The following ANKRD11 variants were observed in gnomAD, a reference collection of about 807,000 sequenced individuals.
The protein encoded by ANKRD11 is ankyrin repeat domain 11, also known as ankyrin repeat domain-containing protein 11.
Under a neutral mutation model 195.7 loss-of-function variants are expected in ANKRD11, and 17 were observed. The ratio of observed to expected loss-of-function variants is 0.09; its 90% CI spans 0.06 to 0.13. ANKRD11 has a LOEUF of 0.13. Among genes scored for constraint, ANKRD11 ranks in the 10% least tolerant of loss-of-function variants. The probability of loss-of-function intolerance (pLI) is 1.00; values close to 1 mark genes in which losing one functional copy is unlikely to be tolerated. For missense variants in ANKRD11, 3,735 were observed against 3,566.1 expected (o/e 1.05, Z -1.21); for synonymous variants, 1,953 against 1,528.1 (o/e 1.28, Z -6.49).
chr16:89,478,864 T>C (rs2057346071), intron 1 of ANKRD11, among the ~76,000 whole-genome samples: 2 of 152,262 alleles, frequency 1.3e-5, no homozygotes, highest in African/African-American at 4.8e-5. Flanking sequence ...GATGAGGTAA[T>C]CTGGAGGTTA....
intron 2 of ANKRD11, among the ~76,000 whole-genome samples, chr16:89,361,198 G>A (rs1377976637): frequency 3.3e-5 from 5 of 152,132 alleles, no homozygotes; most frequent in Admixed American, 6.5e-5. Flanking sequence ...CCACCTCTGC[G>A]CACCCCTTAG....
At chr16:89,445,323 A>G (rs2043736534) in intron 1 of ANKRD11, among the ~76,000 whole-genome samples, 1 of 152,204 alleles carries the variant, frequency 6.6e-6, no homozygotes, top group Non-Finnish European at 1.5e-5. Context: ...ACCACTGCTC[A>G]GCCGTTTCGA....
chr16:89,375,596 G>A (rs1396585647), intron 2 of ANKRD11, among the ~76,000 whole-genome samples: 5 of 151,864 alleles, frequency 3.3e-5, no homozygotes, highest in African/African-American at 9.7e-5. Context: ...AGTGATTACA[G>A]GCGCCCGCCA....
intron 1 of ANKRD11, among the ~76,000 whole-genome samples, chr16:89,487,473 A>T (rs978769983): frequency 6.6e-6 from 1 of 152,198 alleles, no homozygotes; most frequent in African/African-American, 2.4e-5. Flanking sequence ...TGTCAAATCT[A>T]CTTAAAAAGG....
chr16:89,281,635 T>C lies in ANKRD11; in HGVS notation c.4907A>G (p.Asp1636Gly). The change falls in exon 9 of 13, where the codon GAC becomes GGC. Residue 1636 changes from aspartate (D) to glycine (G), a missense_variant. Physicochemically the swap from Asp to Gly is moderately conservative, Grantham distance 94. Coordinates refer to ENST00000301030, the MANE Select transcript of ANKRD11 (RefSeq NM_013275.6). This position sits in a 1 kb window ranked among gnomAD's most constrained non-coding sequence, Gnocchi z 5.5. ...CCCCGGCGGTTTCTTAGCAGGAATG[T>C]CCAGACCCTTCTTCCGCCCGTCGTC... ...PADDGRKKGL[D>G]IPAKKPPGLD... 6.2e-7 allele frequency: 1 copy of C among 1,614,190 alleles called. No homozygotes were observed. The highest frequency in any genetic ancestry group is 8.5e-7 in the Non-Finnish European group (1 of 1,180,026).
At chr16:89,401,370 C>A (rs2041680192) in intron 2 of ANKRD11, among the ~76,000 whole-genome samples, 1 of 152,170 alleles carries the variant, frequency 6.6e-6, no homozygotes, top group African/African-American at 2.4e-5. Context: ...GCCACTGCGT[C>A]TGGCATTAAA....
chr16:89,323,912 C>T (rs1298222168), intron 2 of ANKRD11: 2 of 218,512 alleles, frequency 9.2e-6, no homozygotes, highest in Admixed American at 5.5e-5. Flanking sequence ...AGGCACCACA[C>T]ATCGCGAGGT....
Position 89,344,414 on chromosome 16 carries a change from C to T in ANKRD11, c.-59-27336G>A, listed in dbSNP as rs552366823. ...AGGCAGGACCAGCAACTCCAGACCC[C>T]GTCAGGGCCAACACGGGCCACTGCT... On this transcript the variant is annotated intron_variant, in intron 2 of 12. Transcript: ENST00000301030. Among the ~76,000 whole-genome samples, 7 of 152,298 alleles carry T rather than the reference C, an allele frequency of 4.6e-5. No homozygotes were observed. The East Asian group carries it at 1.2e-3, about 25-fold the overall frequency.
At chr16:89,463,778 T>G (rs1380087562) in intron 1 of ANKRD11, among the ~76,000 whole-genome samples, 1 of 150,698 alleles carries the variant, frequency 6.6e-6, no homozygotes, top group Non-Finnish European at 1.5e-5. Flanking sequence ...TAATTCAAAA[T>G]TAATTCCCTA....
intron 11 of ANKRD11, chr16:89,272,398 G>A (rs1031757773): frequency 1.3e-5 from 2 of 152,366 alleles, no homozygotes; most frequent in Non-Finnish European, 2.9e-5. Context: ...GCCGGGTATA[G>A]ACCCAAAAGA....
intron 2 of ANKRD11, among the ~76,000 whole-genome samples, chr16:89,344,229 A>G (rs532737321): frequency 1.3e-5 from 2 of 152,284 alleles, no homozygotes; most frequent in South Asian, 4.1e-4. Flanking sequence ...TCCATTTCAA[A>G]TTACATCTGC....
In ANKRD11 at chr16:89,285,210, A is replaced by T; in HGVS notation, c.1332T>A (p.Asn444Lys). ...TATTTTTTTCCTTCTGCTGCTTGGC[A>T]TTAGAAGGCTCTCGTGTCTTACTAC... Reference protein sequence around the residue: ...LPGSKTREPSNAKQQKEKNKV... With the variant: ...LPGSKTREPSKAKQQKEKNKV... Residue 444 changes from asparagine to lysine, a missense_variant, in exon 9 of 13, where the codon AAT (asparagine) becomes AAA (lysine). Transcript: ENST00000301030. The surrounding 1 kb of genome is among the most constrained non-coding windows in gnomAD (Gnocchi z 5.6). 1 of 1,613,306 alleles carries T rather than the reference A, an allele frequency of 6.2e-7. No individual in the cohort carries two copies. Among genetic ancestry groups the T allele is most frequent in the Non-Finnish European group, 8.5e-7 (1 of 1,179,928 alleles).
At chr16:89,384,879 C>CTTTTTGTTTTTTTTT (rs2040833636) in intron 2 of ANKRD11, among the ~76,000 whole-genome samples, 1 of 49,910 alleles carries the variant, frequency 2.0e-5, no homozygotes, top group Non-Finnish European at 3.5e-5. Flanking sequence ...AAATAGTTTT[C>CTTTTTGTTTTTTTTT]TTTTTTTTTT....
At chr16:89,304,815 G>A (rs2036081424) in intron 4 of ANKRD11, among the ~76,000 whole-genome samples, 1 of 152,186 alleles carries the variant, frequency 6.6e-6, no homozygotes, top group Admixed American at 6.5e-5. Flanking sequence ...GCTCCCTTTG[G>A]TTTTTACTAC....
intron 1 of ANKRD11, among the ~76,000 whole-genome samples, chr16:89,485,679 A>G (rs2057589870): frequency 6.6e-6 from 1 of 152,204 alleles, no homozygotes; most frequent in Non-Finnish European, 1.5e-5. Context: ...CCAATTACAT[A>G]ACAGTTTCAT....
At chr16:89,466,609 C>T (rs1183228312) in intron 1 of ANKRD11, among the ~76,000 whole-genome samples, 3 of 151,984 alleles carry the variant, frequency 2.0e-5, no homozygotes, top group Non-Finnish European at 2.9e-5. Flanking sequence ...CCTCAGAAAA[C>T]GACGATTAGT....
intron 4 of ANKRD11, among the ~76,000 whole-genome samples, chr16:89,303,295 A>G (rs892165888): frequency 6.6e-6 from 1 of 152,222 alleles, no homozygotes; most frequent in Admixed American, 6.5e-5. Context: ...GCCTTCTACA[A>G]CCAAAACCAG....
At chr16:89,446,586 A>T (rs1301612871) in intron 1 of ANKRD11, among the ~76,000 whole-genome samples, 1 of 152,166 alleles carries the variant, frequency 6.6e-6, no homozygotes, top group Non-Finnish European at 1.5e-5. Context: ...CCTGGGTGAC[A>T]GAGCGAGCCC....
chr16:89,473,042 T>C (rs1329714315), intron 1 of ANKRD11, among the ~76,000 whole-genome samples: 1 of 151,884 alleles, frequency 6.6e-6, no homozygotes, highest in Non-Finnish European at 1.5e-5. Flanking sequence ...AGTACAAACA[T>C]TAGCCAGGTG....
Sources: gnomAD v4.1 joint callset for allele counts (sites outside exome capture counted in the v4.1 genomes callset) on GRCh38, gnomAD v4.1.1 for gene constraint, Gnocchi (gnomAD v3.1) non-coding constraint, MANE v1.5 for transcripts, NCBI Gene and HGNC (gene_info 2026-07-23, HGNC 2026-07-21) for gene names.